The following AFDN variants were observed in gnomAD, a reference collection of about 807,000 sequenced individuals.
AFDN encodes afadin, adherens junction formation factor.
AFDN carries 68 observed loss-of-function variants against 216.6 expected under a neutral mutation model. That is an observed-to-expected ratio of 0.31 (90% confidence interval 0.26 to 0.38). The LOEUF (loss-of-function observed/expected upper bound fraction) is 0.38. AFDN is among the 10% of genes least tolerant of loss of function. The pLI, the probability that AFDN is intolerant of heterozygous loss-of-function variation, is 1.00. For synonymous variants in AFDN, 868 were observed against 853.7 expected, an observed-to-expected ratio of 1.02 and a Z score of -0.29; for missense variants, 2,136 against 2,342.0, an observed-to-expected ratio of 0.91 and a Z score of 1.82.
At position 167,915,247 on chromosome 6, in the gene AFDN, C is replaced by G; in HGVS notation, c.2379C>G (p.Leu793=). 1 of 1,614,260 alleles carries G rather than the reference C, an allele frequency of 6.2e-7. No individual in the cohort carries two copies. Among genetic ancestry groups the G allele is most frequent in the Non-Finnish European group, 8.5e-7 (1 of 1,180,038 alleles). ...TCAATGCCGCCCTGACCATCCAGCT[C>G]TTCTCTCAGCTCTTCCACTTCATCA... ...CRVNAALTIQ[L]FSQLFHFINM... The change falls in exon 19 of 34, where the codon CTC becomes CTG. Residue 793 remains leucine, a synonymous_variant. Transcript: ENST00000683244.
At chr6:167,963,671 A>G in intron 31 of AFDN, 1 of 1,060,704 alleles carries the variant, frequency 9.4e-7, no homozygotes, top group Non-Finnish European at 1.1e-6. Flanking sequence ...TTGCCCTCTA[A>G]GTTTATCATC....
chr6:167,885,226 G>C (rs1364805875), intron 6 of AFDN, among the ~76,000 whole-genome samples: 1 of 152,160 alleles, frequency 6.6e-6, no homozygotes, highest in Non-Finnish European at 1.5e-5. Context: ...CAATAAGGCT[G>C]TTTCTCTTTC....
intron 23 of AFDN, among the ~76,000 whole-genome samples, chr6:167,940,062 AT>A (rs1794497111): frequency 6.6e-6 from 1 of 152,214 alleles, no homozygotes; most frequent in Non-Finnish European, 1.5e-5. Context: ...CACAGGTTGT[AT>A]TTGGCTGTTG....
At chr6:167,900,797 C>T (rs979711250) in intron 11 of AFDN, among the ~76,000 whole-genome samples, 6 of 152,144 alleles carry the variant, frequency 3.9e-5, no homozygotes, top group Admixed American at 3.9e-4. Context: ...TTGTCAGAGC[C>T]GATAGCTGGA....
intron 28 of AFDN, 73 bp downstream of exon 28, chr6:167,948,017 A>T: frequency 8.9e-7 from 1 of 1,120,070 alleles, no homozygotes; most frequent in Non-Finnish European, 1.3e-6. Context: ...CATCTCAGTT[A>T]TCTAGTACAA....
intron 30 of AFDN, among the ~76,000 whole-genome samples, chr6:167,960,473 T>G (rs1382170788): frequency 2.6e-5 from 4 of 152,258 alleles, no homozygotes; most frequent in African/African-American, 9.6e-5. Context: ...TGTAACACTT[T>G]CTTGCTCAGC....
At chr6:167,909,283 GTATT>G (rs1156351646) in intron 13 of AFDN, among the ~76,000 whole-genome samples, 2 of 151,630 alleles carry the variant, frequency 1.3e-5, no homozygotes, top group Non-Finnish European at 1.5e-5. Context: ...GATTTGGGTT[GTATT>G]TATTATTAGT....
intron 1 of AFDN, among the ~76,000 whole-genome samples, chr6:167,832,694 T>C (rs1336346681): frequency 6.6e-6 from 1 of 152,248 alleles, no homozygotes; most frequent in Non-Finnish European, 1.5e-5. Context: ...ATGTATGTCA[T>C]GAGTGAAACT....
At chr6:167,863,193 T>C (rs1163758102) in intron 1 of AFDN, among the ~76,000 whole-genome samples, 4 of 152,228 alleles carry the variant, frequency 2.6e-5, no homozygotes, top group African/African-American at 9.6e-5. Flanking sequence ...GCATTTCAGA[T>C]TTCAGATTCT....
At chr6:167,861,444 AG>A (rs1261605280) in intron 1 of AFDN, among the ~76,000 whole-genome samples, 6 of 152,218 alleles carry the variant, frequency 3.9e-5, no homozygotes, top group African/African-American at 1.4e-4. Flanking sequence ...CTGCCTGATG[AG>A]GACACCAGTA....
intron 16 of AFDN, chr6:167,913,958 G>A (rs562618746): frequency 1.8e-6 from 1 of 552,028 alleles, no homozygotes; most frequent in African/African-American, 1.9e-5. Context: ...CTATGTGCAT[G>A]AATCCTAAGA....
At position 167,965,842 on chromosome 6, in the gene AFDN, C is replaced by G; in HGVS notation, c.5054C>G (p.Pro1685Arg). The part of the protein sequence containing the change: ...HDEAARRLLE[P>R]EAPGLCRPPL... Reference sequence around the variant, plus strand: ...GAGGCGGCGCGCAGGTTGCTGGAGCCCGAGGCGCCCGGTCTGTGCCGCCCT... The same window carrying G: ...GAGGCGGCGCGCAGGTTGCTGGAGCGCGAGGCGCCCGGTCTGTGCCGCCCT... Residue 1685 changes from proline (P) to arginine (R), a missense_variant, in exon 32 of 34, where the codon CCC (proline) becomes CGC (arginine). Pro to Arg is a moderately radical substitution (Grantham distance 103). Around this residue, in one of 8 missense-constraint regions of AFDN, gnomAD observed 981 missense variants for 966.0 expected, o/e 1.02. Coordinates refer to ENST00000683244, the MANE Select transcript of AFDN (RefSeq NM_001386888.1). 1 of 1,550,552 alleles carries G rather than the reference C, an allele frequency of 6.4e-7. No individual in the cohort carries two copies. The highest frequency in any genetic ancestry group is 8.7e-7 in the Non-Finnish European group (1 of 1,147,118).
At chr6:167,890,764 G>A in intron 7 of AFDN, 98 bp from the exon 8 acceptor site, 8 of 1,124,364 alleles carry the variant, frequency 7.1e-6, no homozygotes, top group South Asian at 1.5e-5. Flanking sequence ...TAAATTACAT[G>A]CATCTTTTTG....
In AFDN at chr6:167,969,112, A is replaced by C. The variant is rs1044104418; in HGVS notation, c.5258-2A>C. The C allele has an allele frequency of 1.2e-6, 2 of 1,611,624 alleles. No individual in the cohort carries two copies. Among genetic ancestry groups the C allele is most frequent in the Non-Finnish European group, 8.5e-7 (1 of 1,177,902 alleles). ...ACTTGTACTGTTTCTTTCATGGAAAAGGACCAAACTCTTACCCAGGATCTA... is the reference window on the plus strand; with the variant it reads ...ACTTGTACTGTTTCTTTCATGGAAACGGACCAAACTCTTACCCAGGATCTA... On this transcript the variant is annotated splice_acceptor_variant, in intron 32 of 33. Transcript: ENST00000683244. LOFTEE classifies it high-confidence loss of function.
intron 9 of AFDN, among the ~76,000 whole-genome samples, chr6:167,894,363 T>A (rs1043837006): frequency 6.6e-6 from 1 of 152,208 alleles, no homozygotes; most frequent in South Asian, 2.1e-4. Context: ...TGTCATTATC[T>A]ACGGGGAAGA....
At chr6:167,829,679 GTTT>G (rs950128209) in intron 1 of AFDN, among the ~76,000 whole-genome samples, 1 of 144,930 alleles carries the variant, frequency 6.9e-6, no homozygotes, top group African/African-American at 2.5e-5. Flanking sequence ...TTCTTTTGTT[GTTT>G]TTTTTTTGGG....
At chr6:167,954,321 C>T in intron 30 of AFDN, 1 of 555,886 alleles carries the variant, frequency 1.8e-6, no homozygotes, top group Non-Finnish European at 3.0e-6. Context: ...AGTTCTTTAC[C>T]TTTCTCATCA....
At chr6:167,844,442 AAATAT>A (rs1781414251) in intron 1 of AFDN, among the ~76,000 whole-genome samples, 2 of 152,344 alleles carry the variant, frequency 1.3e-5, no homozygotes, top group South Asian at 2.1e-4. Flanking sequence ...AAGTATGTAT[AAATAT>A]AATTATCTTT....
At chr6:167,873,641 A>C (rs1052558699) in intron 4 of AFDN, among the ~76,000 whole-genome samples, 1 of 152,224 alleles carries the variant, frequency 6.6e-6, no homozygotes, top group East Asian at 1.9e-4. Context: ...CCGTACTGTC[A>C]TGGAGCCCAG....
Sources: allele counts gnomAD v4.1 joint callset (sites outside exome capture counted in the v4.1 genomes callset), GRCh38; gene constraint gnomAD v4.1.1; regional missense constraint gnomAD v4.1.1; transcripts MANE v1.5; gene names NCBI Gene and HGNC (gene_info 2026-07-23, HGNC 2026-07-21).